The following GRIN2A variants were observed in gnomAD, a reference collection of about 807,000 sequenced individuals.
GRIN2A encodes the protein glutamate ionotropic receptor NMDA type subunit 2A.
A neutral mutation model predicts 113.4 loss-of-function variants in GRIN2A; 22 were observed. The observed-to-expected ratio is 0.19, with a 90% CI of 0.14 to 0.28. The LOEUF (loss-of-function observed/expected upper bound fraction) is 0.28, where lower values mean the gene tolerates loss of function less well. GRIN2A is among the 10% of genes least tolerant of loss of function. The pLI is 1.00. For missense variants in GRIN2A, 1,502 were observed against 1,887.0 expected, an observed-to-expected ratio of 0.80 and a Z score of 3.78; for synonymous variants, 827 against 738.4, an observed-to-expected ratio of 1.12 and a Z score of -1.94.
At chr16:10,044,257 G>A (rs905313463) in intron 2 of GRIN2A, among the ~76,000 whole-genome samples, 14 of 151,846 alleles carry the variant, frequency 9.2e-5, no homozygotes, top group African/African-American at 3.4e-4. Context: ...TGGTCTTGAA[G>A]TCCTGACCTC....
At chr16:10,024,418 C>A (rs1012680955) in intron 2 of GRIN2A, among the ~76,000 whole-genome samples, 1 of 152,174 alleles carries the variant, frequency 6.6e-6, no homozygotes, top group African/African-American at 2.4e-5. Flanking sequence ...TGGGGTTTCA[C>A]CATGTTAGCC....
At chr16:10,077,466 C>T (rs920716657) in intron 2 of GRIN2A, among the ~76,000 whole-genome samples, 1 of 152,174 alleles carries the variant, frequency 6.6e-6, no homozygotes, top group African/African-American at 2.4e-5. Flanking sequence ...ACACTCTCAC[C>T]ACTGCCACTA....
intron 3 of GRIN2A, among the ~76,000 whole-genome samples, chr16:9,914,246 G>A (rs1179152691): frequency 6.6e-6 from 1 of 152,048 alleles, no homozygotes; most frequent in Non-Finnish European, 1.5e-5. Context: ...AAACACCTAG[G>A]AAGACAATAA....
rs144064044 is a variant in GRIN2A, at chr16:9,892,598, G to C, written c.1008-1498C>G. Among the ~76,000 whole-genome samples, 75 of 152,236 alleles carry C rather than the reference G, an allele frequency of 4.9e-4. 1 individual carries two copies. The East Asian group carries it at 0.013, about 26-fold the overall frequency. ...ATGTATAAACTTAATTTTTGGTCTA[G>C]GTGTTTTCATTGCAGGTAACATCTA... On this transcript the variant is annotated intron_variant, in intron 3 of 12. Coordinates refer to ENST00000330684, the MANE Select transcript of GRIN2A (RefSeq NM_001134407.3).
chr16:9,766,048 T>G (rs1321851070), intron 12 of GRIN2A, among the ~76,000 whole-genome samples: 1 of 152,160 alleles, frequency 6.6e-6, no homozygotes, highest in African/African-American at 2.4e-5. Flanking sequence ...CTGGAACATT[T>G]TGATCTGTGG....
chr16:9,853,666 C>G (rs1422385367), intron 4 of GRIN2A, among the ~76,000 whole-genome samples: 1 of 152,134 alleles, frequency 6.6e-6, no homozygotes, highest in East Asian at 1.9e-4. Flanking sequence ...ATAGAAGTCA[C>G]CATGGATATA....
intron 10 of GRIN2A, among the ~76,000 whole-genome samples, chr16:9,808,927 T>A (rs1466018561): frequency 1.3e-5 from 2 of 150,774 alleles, no homozygotes; most frequent in Non-Finnish European, 2.9e-5. Flanking sequence ...AAAAAAAGTC[T>A]AGTGAGAAGA....
chr16:9,954,141 C>T (rs1475750222), intron 2 of GRIN2A, among the ~76,000 whole-genome samples: 1 of 152,112 alleles, frequency 6.6e-6, no homozygotes, highest in African/African-American at 2.4e-5. Flanking sequence ...AAAATAACTC[C>T]CTACATGCTA....
intron 10 of GRIN2A, among the ~76,000 whole-genome samples, chr16:9,804,472 G>A (rs2041926699): frequency 6.6e-6 from 1 of 151,958 alleles, no homozygotes; most frequent in African/African-American, 2.4e-5. Flanking sequence ...ATTTGTCTTT[G>A]TGCCACATTC....
chr16:10,043,735 CA>C (rs2047206560), intron 2 of GRIN2A, among the ~76,000 whole-genome samples: 1 of 151,956 alleles, frequency 6.6e-6, no homozygotes, highest in Non-Finnish European at 1.5e-5. Flanking sequence ...CCCCATCAGC[CA>C]AGCTACCTCC....
chr16:9,912,213 G>C (rs2044156104), intron 3 of GRIN2A, among the ~76,000 whole-genome samples: 1 of 152,076 alleles, frequency 6.6e-6, no homozygotes. Context: ...TTATGGCAAT[G>C]ATGATGATGG....
chr16:10,040,073 TCCACACA>T (rs2047129878), intron 2 of GRIN2A, among the ~76,000 whole-genome samples: 1 of 5,052 alleles, frequency 2.0e-4, no homozygotes, highest in Non-Finnish European at 4.1e-4. Context: ...ACTACACACA[TCCACACA>T]CCACACACAC....
chr16:9,867,158 A>G (rs889808199), intron 4 of GRIN2A, among the ~76,000 whole-genome samples: 1 of 152,014 alleles, frequency 6.6e-6, no homozygotes, highest in Non-Finnish European at 1.5e-5. Flanking sequence ...ACCCTCCCCA[A>G]CTCTGAGTCA....
In GRIN2A at chr16:10,006,949, G is replaced by A. The variant is rs566249830; in HGVS notation, c.415-68398C>T. ...GACCTTCAGTTTCATCCATGTTGTT[G>A]CAAATGACAGGATCTCATTCTTTTT... On this transcript the variant is annotated intron_variant, in intron 2 of 12. Coordinates refer to ENST00000330684, the MANE Select transcript of GRIN2A (RefSeq NM_001134407.3). 1.7e-3 allele frequency among the ~76,000 whole-genome samples: 254 copies of A among 152,218 alleles called. 1 individual carries two copies. Among genetic ancestry groups the A allele is most frequent in the African/African-American group, 5.8e-3 (242 of 41,516 alleles).
chr16:10,112,938 G>C (rs563283085), intron 2 of GRIN2A: 1 of 392,506 alleles, frequency 2.5e-6, no homozygotes, highest in Non-Finnish European at 4.9e-6. Flanking sequence ...GTCCACCTTC[G>C]GGCACAACCT....
intron 2 of GRIN2A, among the ~76,000 whole-genome samples, chr16:10,122,234 A>G (rs534690302): frequency 1.3e-5 from 2 of 152,314 alleles, no homozygotes; most frequent in African/African-American, 2.4e-5. Context: ...GCCAGAGCCA[A>G]AAAAACTCTG....
Position 9,754,352 on chromosome 16 carries a change from TCTAA to T in GRIN2A, c.*8793_*8796del, listed in dbSNP as rs1300094880. ...AGGTTTGGAAGGCATCTGAGCCACA[TCTAA>T]CTATGTCACTGCTGTGTCAAGCAGT... On this transcript the variant is annotated 3_prime_UTR_variant, in exon 13 of 13. Coordinates refer to ENST00000330684, the MANE Select transcript of GRIN2A (RefSeq NM_001134407.3). 1 of 207,892 alleles carries T rather than the reference TCTAA, an allele frequency of 4.8e-6. No homozygotes were observed. The highest frequency in any genetic ancestry group is 9.8e-6 in the Non-Finnish European group (1 of 102,044). The allele number at this position is 207,892 out of a possible 1,614,324, so 12.9% of individuals were successfully genotyped here. A position where few individuals can be genotyped will look rare whatever the true frequency, so the allele number is the denominator to read the frequency against.
intron 2 of GRIN2A, among the ~76,000 whole-genome samples, chr16:9,994,086 T>A (rs1238978243): frequency 6.6e-6 from 1 of 152,228 alleles, no homozygotes; most frequent in African/African-American, 2.4e-5. Context: ...GTTATCATCT[T>A]ACATCTTTGG....
intron 2 of GRIN2A, among the ~76,000 whole-genome samples, chr16:10,149,731 C>T (rs1395247251): frequency 5.3e-5 from 8 of 152,128 alleles, no homozygotes. Flanking sequence ...CTCCCTGGTG[C>T]CCCCTATCCC....
Sources: allele counts gnomAD v4.1 joint callset (sites outside exome capture counted in the v4.1 genomes callset), GRCh38; gene constraint gnomAD v4.1.1; transcripts MANE v1.5; gene names NCBI Gene and HGNC (gene_info 2026-07-23, HGNC 2026-07-21).